The following SLC8A3 variants were observed in gnomAD, a reference collection of about 807,000 sequenced individuals.
SLC8A3 encodes solute carrier family 8 member A3, also known as sodium/calcium exchanger 3.
SLC8A3 carries 37 observed loss-of-function variants against 65.4 expected under a neutral mutation model. The ratio of observed to expected loss-of-function variants is 0.57; its 90% CI spans 0.44 to 0.74. SLC8A3 has a LOEUF of 0.74. Ranked by LOEUF, SLC8A3 falls within the 30% of genes least tolerant of loss-of-function variation. The probability of loss-of-function intolerance (pLI) is 0.00; values close to 1 mark genes in which losing one functional copy is unlikely to be tolerated. For missense variants in SLC8A3, 1,112 were observed against 1,172.1 expected (o/e 0.95, Z 0.75); for synonymous variants, 461 against 444.5 (o/e 1.04, Z -0.47).
chr14:70,147,418 C>T (rs527743663), intron 2 of SLC8A3, among the ~76,000 whole-genome samples: 27 of 152,134 alleles, frequency 1.8e-4, no homozygotes, highest in Admixed American at 1.4e-3. Context: ...TCCTTCTCTC[C>T]GCAAGAACAT....
intron 6 of SLC8A3, chr14:70,048,004 T>C (rs1230092671): frequency 2.0e-5 from 3 of 152,348 alleles, no homozygotes; most frequent in South Asian, 4.1e-4. Flanking sequence ...GAAGGAAGCA[T>C]GTGTATCTTG....
rs1364159964 is a variant in SLC8A3 at position 70,168,362 on chromosome 14, A to G, written c.61T>C (p.Phe21Leu). The G allele has an allele frequency of 6.2e-7, 1 of 1,614,160 alleles. No homozygotes were observed. The highest frequency in any genetic ancestry group is 8.5e-7 in the Non-Finnish European group (1 of 1,180,026). The change falls in exon 2 of 7, where the codon TTT becomes CTT. Residue 21 changes from phenylalanine (F) to leucine (L), a missense_variant. Coordinates refer to ENST00000356921, the MANE Select transcript of SLC8A3 (RefSeq NM_182932.3). ...CGAAGACCATTCAGGAAGAGCACAA[A>G]GGTAACCAGCCCAAAATGGAGGAAG... is the stretch of plus-strand genomic sequence containing the variant. Reference protein sequence around the residue: ...SAFLHFGLVTFVLFLNGLRAE... With the variant: ...SAFLHFGLVTLVLFLNGLRAE...
chr14:70,157,215 ATGTG>A (rs1464767023), intron 2 of SLC8A3, among the ~76,000 whole-genome samples: 3 of 152,102 alleles, frequency 2.0e-5, no homozygotes, highest in African/African-American at 7.2e-5. Context: ...AGACCTTAGA[ATGTG>A]TGCCAGTTTG....
chr14:70,113,040 G>A (rs201524129), intron 2 of SLC8A3, among the ~76,000 whole-genome samples: 1 of 11,080 alleles, frequency 9.0e-5, no homozygotes, highest in African/African-American at 2.1e-4. Context: ...TGAACTTTTG[G>A]GGTCCACGAT....
At chr14:70,156,827 T>C (rs1308338682) in intron 2 of SLC8A3, among the ~76,000 whole-genome samples, 1 of 152,212 alleles carries the variant, frequency 6.6e-6, no homozygotes, top group Non-Finnish European at 1.5e-5. Flanking sequence ...GGAAGCTTTC[T>C]GTCTTGCTTT....
intron 2 of SLC8A3, among the ~76,000 whole-genome samples, chr14:70,107,310 C>T (rs1390303258): frequency 6.6e-6 from 1 of 152,056 alleles, no homozygotes; most frequent in Non-Finnish European, 1.5e-5. Context: ...AAACCAGGCT[C>T]CTTATACATC....
chr14:70,056,632 C>T (rs1888149448), intron 3 of SLC8A3, among the ~76,000 whole-genome samples: 1 of 152,152 alleles, frequency 6.6e-6, no homozygotes, highest in Non-Finnish European at 1.5e-5. Context: ...TCTATTTTGG[C>T]AACTGTCTTT....
intron 2 of SLC8A3, among the ~76,000 whole-genome samples, chr14:70,073,025 C>T: frequency 6.6e-6 from 1 of 152,102 alleles, no homozygotes; most frequent in Middle Eastern, 3.2e-3. Context: ...ACATGTCATT[C>T]CTCTGCTCAC....
chr14:70,084,698 T>C (rs908339358), intron 2 of SLC8A3, among the ~76,000 whole-genome samples: 1 of 152,222 alleles, frequency 6.6e-6, no homozygotes, highest in African/African-American at 2.4e-5. Context: ...GCTATATGCC[T>C]AATGGAGACT....
intron 2 of SLC8A3, among the ~76,000 whole-genome samples, chr14:70,105,770 T>C (rs893107334): frequency 1.3e-5 from 2 of 151,992 alleles, no homozygotes; most frequent in Non-Finnish European, 2.9e-5. Context: ...CTTAAACCCT[T>C]ACAAAAACCT....
At chr14:70,057,904 C>A (rs989858620) in intron 3 of SLC8A3, among the ~76,000 whole-genome samples, 3 of 148,630 alleles carry the variant, frequency 2.0e-5, no homozygotes, top group African/African-American at 7.4e-5. Context: ...GAGAGAGAGA[C>A]AGAGAGCTTT....
At chr14:70,131,927 GGGA>G (rs1344746905) in intron 2 of SLC8A3, among the ~76,000 whole-genome samples, 1 of 152,100 alleles carries the variant, frequency 6.6e-6, no homozygotes, top group African/African-American at 2.4e-5. Context: ...GTCTTTAACT[GGGA>G]GGAGGACAGA....
chr14:70,076,244 C>T (rs1463100951), intron 2 of SLC8A3, among the ~76,000 whole-genome samples: 2 of 152,178 alleles, frequency 1.3e-5, no homozygotes, highest in Non-Finnish European at 2.9e-5. Flanking sequence ...CATGCCACCA[C>T]CTTGTCTGCC....
intron 2 of SLC8A3, among the ~76,000 whole-genome samples, chr14:70,115,719 G>A (rs1893608220): frequency 6.6e-6 from 1 of 152,132 alleles, no homozygotes; most frequent in Non-Finnish European, 1.5e-5. Context: ...ACAGCCAGTG[G>A]CCACATGGGC....
Position 70,166,615 on chromosome 14 carries a change from G to A in SLC8A3, c.1784+24C>T, listed in dbSNP as rs529793379. The A allele has an allele frequency of 5.4e-5, 72 of 1,340,644 alleles. 2 individuals carry two copies. In the South Asian group the frequency reaches 8.9e-4, roughly 17 times the overall value. The allele number at this position is 1,340,644 out of a possible 1,614,324, so 83.0% of individuals were successfully genotyped here. Reference sequence around the variant, plus strand: ...TGGCAAAAGATGGGGTCAGGGAGGGGCAGAATACAGGAAGGTTACTTACAC... The same window carrying A: ...TGGCAAAAGATGGGGTCAGGGAGGGACAGAATACAGGAAGGTTACTTACAC... On this transcript the variant is annotated intron_variant, in intron 2 of 6. Transcript: ENST00000356921.
In SLC8A3 at chr14:70,118,395, A is replaced by G. The variant is rs373541597; in HGVS notation, c.1784+48244T>C. On this transcript the variant is annotated intron_variant, in intron 2 of 6. Transcript: ENST00000356921. ...AACGTGAACAAGAACCCTTTACACC[A>G]GAGGAACCTACCCAAATAAGCTCTC... Among the ~76,000 whole-genome samples the G allele has an allele frequency of 1.6e-3, 242 of 152,314 alleles. 3 individuals are homozygous for G. The highest frequency in any genetic ancestry group is 6.8e-3 in the Middle Eastern group (2 of 294).
At chr14:70,162,921 T>C (rs902265911) in intron 2 of SLC8A3, among the ~76,000 whole-genome samples, 16 of 152,346 alleles carry the variant, frequency 1.1e-4, no homozygotes, top group African/African-American at 3.6e-4. Context: ...TCCTCAGTGG[T>C]ACCACACACA....
intron 2 of SLC8A3, among the ~76,000 whole-genome samples, chr14:70,125,236 T>C (rs985066535): frequency 2.0e-5 from 3 of 152,174 alleles, no homozygotes; most frequent in Non-Finnish European, 2.9e-5. Flanking sequence ...CCATATTGCA[T>C]AGTGGTAAAG....
intron 6 of SLC8A3, chr14:70,047,217 C>G (rs961505539): frequency 6.6e-6 from 1 of 152,142 alleles, no homozygotes; most frequent in African/African-American, 2.4e-5. Context: ...TTGGAGATGC[C>G]CAAAGGTATC....
Sources: allele counts gnomAD v4.1 joint callset (sites outside exome capture counted in the v4.1 genomes callset), GRCh38; gene constraint gnomAD v4.1.1; transcripts MANE v1.5; gene names NCBI Gene and HGNC (gene_info 2026-07-23, HGNC 2026-07-21).